The following OTULIN variants were observed in gnomAD, a reference collection of about 807,000 sequenced individuals.
OTULIN encodes ubiquitin thioesterase otulin.
A neutral mutation model predicts 39.6 loss-of-function variants in OTULIN; 15 were observed. The ratio of observed to expected loss-of-function variants is 0.38; its 90% CI spans 0.25 to 0.58. The LOEUF (loss-of-function observed/expected upper bound fraction) is 0.58, where lower values mean the gene tolerates loss of function less well. Among genes scored for constraint, OTULIN ranks in the 20% least tolerant of loss-of-function variants. The pLI is 0.66. For synonymous variants in OTULIN, 156 were observed against 170.3 expected, an observed-to-expected ratio of 0.92 and a Z score of 0.65; for missense variants, 319 against 445.9, an observed-to-expected ratio of 0.72 and a Z score of 2.56.
At chr5:14,702,749 C>A (rs531626655), downstream of OTULIN, among the ~76,000 whole-genome samples, 1 of 152,168 alleles carries the variant, frequency 6.6e-6, no homozygotes, top group South Asian at 2.1e-4. Flanking sequence ...AGATGAAAGA[C>A]CCGATGAGAA....
the OTULIN span, chr5:14,711,323 A>C: frequency 6.0e-5 from 96 of 1,610,332 alleles, no homozygotes; most frequent in Middle Eastern, 1.7e-4. Flanking sequence ...AGACCAAAGA[A>C]GACTCATCAG....
At chr5:14,678,919 A>C in intron 3 of OTULIN, 144 bp downstream of exon 3, 1 of 513,090 alleles carries the variant, frequency 1.9e-6, no homozygotes, top group Non-Finnish European at 3.4e-6. Context: ...AGTTAAGGAA[A>C]TAGACTCCAA....
the OTULIN span, chr5:14,713,794 G>A: frequency 1.3e-5 from 18 of 1,343,308 alleles, no homozygotes; most frequent in East Asian, 1.2e-4. This position sits in a 1 kb window ranked among gnomAD's most constrained non-coding sequence, Gnocchi z 4.4. Context: ...CTGTTGAGCC[G>A]CTGGCCACCT....
rs1751299310 is a variant in OTULIN at position 14,690,797 on chromosome 5, T to C, written c.864+489T>C. ...GGAGGGGAATTTGGCTCCACCTTTT[T>C]GAATGAGGGGTACCAAAGAATTGTG... On this transcript the variant is annotated intron_variant, in intron 6 of 6. Coordinates refer to ENST00000284274, the MANE Select transcript of OTULIN (RefSeq NM_138348.6). This position sits in a 1 kb window ranked among gnomAD's most constrained non-coding sequence, Gnocchi z 4.5. 6.6e-6 allele frequency among the ~76,000 whole-genome samples: 1 copy of C among 152,190 alleles called. No individual in the cohort carries two copies. Among genetic ancestry groups the C allele is most frequent in the African/African-American group, 2.4e-5 (1 of 41,458 alleles).
rs1196033249 is a variant in OTULIN at position 14,695,908 on chromosome 5, T to A, written c.*2860T>A. On this transcript the variant is annotated 3_prime_UTR_variant, in exon 7 of 7. Coordinates refer to ENST00000284274, the MANE Select transcript of OTULIN (RefSeq NM_138348.6). ...AATCCTTTTTTCTTTATTTAGCGAT[T>A]TACACTTTTGTTACTCTATTATATA... 1 of 152,198 alleles carries A rather than the reference T, an allele frequency of 6.6e-6. No homozygotes were observed. The highest frequency in any genetic ancestry group is 2.4e-5 in the African/African-American group (1 of 41,446). 9.4% of individuals were successfully genotyped at this position (152,198 alleles called of 1,614,324 possible).
At chr5:14,675,817 A>G (rs1207286809) in intron 2 of OTULIN, among the ~76,000 whole-genome samples, 3 of 152,186 alleles carry the variant, frequency 2.0e-5, no homozygotes, top group African/African-American at 7.2e-5. Flanking sequence ...TGAGGCAAAA[A>G]GTTTTCTTAT....
the OTULIN span, among the ~76,000 whole-genome samples, chr5:14,716,250 C>A: frequency 3.9e-5 from 6 of 152,234 alleles, no homozygotes; most frequent in Admixed American, 3.3e-4. Context: ...GCCTGTAATC[C>A]CAGCACTTTG....
chr5:14,711,012 T>TC, the OTULIN span: 4 of 638,506 alleles, frequency 6.3e-6, no homozygotes, highest in South Asian at 3.5e-5. Flanking sequence ...ATTCACTAGG[T>TC]CCCCCCGTCA....
the OTULIN span, among the ~76,000 whole-genome samples, chr5:14,712,669 CTG>C: frequency 6.6e-6 from 1 of 152,254 alleles, no homozygotes; most frequent in East Asian, 1.9e-4. Flanking sequence ...AAGGGACTGT[CTG>C]TACTTGCTGC....
chr5:14,689,871 T>C (rs1280172831), intron 5 of OTULIN, among the ~76,000 whole-genome samples, 168 bp from the exon 6 acceptor site: 6 of 152,368 alleles, frequency 3.9e-5, no homozygotes, highest in African/African-American at 1.4e-4. Flanking sequence ...ATAAGGAGTT[T>C]GTGTGCTTTA....
At chr5:14,675,122 A>G (rs989883780) in intron 2 of OTULIN, among the ~76,000 whole-genome samples, 7 of 152,218 alleles carry the variant, frequency 4.6e-5, no homozygotes, top group Non-Finnish European at 8.8e-5. Flanking sequence ...CTGATGTCTT[A>G]TCCTTCTTAG....
rs750510395 is a variant in OTULIN, at chr5:14,678,675, T to G, written c.230-6T>G. 1.3e-6 allele frequency: 2 copies of G among 1,559,266 alleles called. No homozygotes were observed. The highest frequency in any genetic ancestry group is 2.1e-5 in the Admixed American group (1 of 46,994). ...TTGCTTTTTTTTTTTTTAAATTCTTTAACAGAACCGAGATTAAGCGTAGCT... is the reference window on the plus strand; with the variant it reads ...TTGCTTTTTTTTTTTTTAAATTCTTGAACAGAACCGAGATTAAGCGTAGCT... On this transcript the variant is annotated splice_region_variant and splice_polypyrimidine_tract_variant and intron_variant, in intron 2 of 6. Coordinates refer to ENST00000284274, the MANE Select transcript of OTULIN (RefSeq NM_138348.6).
At chr5:14,709,142 C>T in the OTULIN span, 1 of 152,240 alleles carries the variant, frequency 6.6e-6, no homozygotes, top group Non-Finnish European at 1.5e-5. Context: ...GATCCACCCT[C>T]CTTGGCCTCC....
In OTULIN at chr5:14,697,045, G is replaced by A. The variant is rs940594888; in HGVS notation, c.*3997G>A. On this transcript the variant is annotated 3_prime_UTR_variant, in exon 7 of 7. Transcript: ENST00000284274. ...AGGTGGGCTTGCCCATGACCAGGAG[G>A]GGTGTGTGTGTGTGTGTGCATGTGT... 3 of 152,018 alleles carry A rather than the reference G, an allele frequency of 2.0e-5. No homozygotes were observed. The highest frequency in any genetic ancestry group is 7.3e-5 in the African/African-American group (3 of 41,210). The allele number at this position is 152,018 out of a possible 1,614,324, so 9.4% of individuals were successfully genotyped here. A position where few individuals can be genotyped will look rare whatever the true frequency, so the allele number is the denominator to read the frequency against.
chr5:14,686,696 C>G (rs1394923320), intron 4 of OTULIN, among the ~76,000 whole-genome samples: 1 of 152,164 alleles, frequency 6.6e-6, no homozygotes, highest in Non-Finnish European at 1.5e-5. Flanking sequence ...TTTCTCCTGA[C>G]ACACCCAAGA....
In OTULIN at chr5:14,693,249, A is replaced by G; in HGVS notation, c.*201A>G. The G allele has an allele frequency of 7.4e-6, 4 of 537,610 alleles. No homozygotes were observed. The highest frequency in any genetic ancestry group is 1.3e-5 in the Non-Finnish European group (4 of 303,902). The allele number at this position is 537,610 out of a possible 1,614,324, so 33.3% of individuals were successfully genotyped here. A position where few individuals can be genotyped will look rare whatever the true frequency, so the allele number is the denominator to read the frequency against. ...AAGTCTTTCCCCTCATCTATGATGC[A>G]ATATATTTCAGTGGGGGCCTTCAGA... On this transcript the variant is annotated 3_prime_UTR_variant, in exon 7 of 7. Coordinates refer to ENST00000284274, the MANE Select transcript of OTULIN (RefSeq NM_138348.6).
At chr5:14,668,655 T>TA (rs1314837607) in intron 1 of OTULIN, among the ~76,000 whole-genome samples, 1 of 152,136 alleles carries the variant, frequency 6.6e-6, no homozygotes, top group Non-Finnish European at 1.5e-5. Context: ...AGAGTTGAAT[T>TA]AAAAAAAGCC....
chr5:14,712,322 G>A, the OTULIN span, among the ~76,000 whole-genome samples: 28 of 152,326 alleles, frequency 1.8e-4, no homozygotes, highest in African/African-American at 2.6e-4. Context: ...ATGTGTCCTC[G>A]TTCTTCCACC....
rs1001899746 is a variant in OTULIN, at chr5:14,693,334, G to C, written c.*286G>C. 1 of 295,862 alleles carries C rather than the reference G, an allele frequency of 3.4e-6. No homozygotes were observed. Among genetic ancestry groups the C allele is most frequent in the African/African-American group, 2.1e-5 (1 of 46,570 alleles). The allele number at this position is 295,862 out of a possible 1,614,324, so 18.3% of individuals were successfully genotyped here. A position where few individuals can be genotyped will look rare whatever the true frequency, so the allele number is the denominator to read the frequency against. On this transcript the variant is annotated 3_prime_UTR_variant, in exon 7 of 7. Coordinates refer to ENST00000284274, the MANE Select transcript of OTULIN (RefSeq NM_138348.6). ...CCAGAAGGCAAATACTTTTGTATCAGAGGAAACTCAGTTTTGGAGAGGAAT... is the reference window on the plus strand; with the variant it reads ...CCAGAAGGCAAATACTTTTGTATCACAGGAAACTCAGTTTTGGAGAGGAAT...
Sources: gnomAD v4.1 joint callset for allele counts (sites outside exome capture counted in the v4.1 genomes callset) on GRCh38, gnomAD v4.1.1 for gene constraint, Gnocchi (gnomAD v3.1) non-coding constraint, MANE v1.5 for transcripts, NCBI Gene and HGNC (gene_info 2026-07-23, HGNC 2026-07-21) for gene names.